The following DENND1A variants were observed in gnomAD, a reference collection of about 807,000 sequenced individuals.
The protein encoded by DENND1A is DENN domain containing 1A, also known as DENN domain-containing protein 1A.
In DENND1A, 51 loss-of-function variants were observed where a neutral mutation model predicts 113.7. That is an observed-to-expected ratio of 0.45 (90% CI 0.36 to 0.57). The LOEUF (loss-of-function observed/expected upper bound fraction) is 0.57. Ranked by LOEUF, DENND1A falls within the 20% of genes least tolerant of loss-of-function variation. DENND1A has a pLI of 0.00. For synonymous variants in DENND1A, 565 were observed against 570.8 expected, an observed-to-expected ratio of 0.99 and a Z score of 0.14; for missense variants, 1,258 against 1,395.9, an observed-to-expected ratio of 0.90 and a Z score of 1.57.
intron 19 of DENND1A, among the ~76,000 whole-genome samples, chr9:123,418,179 C>T (rs933852271): frequency 2.0e-5 from 3 of 152,202 alleles, no homozygotes; most frequent in Non-Finnish European, 4.4e-5. Context: ...CCTCCAATCA[C>T]AGGAGCCTGC....
At chr9:123,638,057 G>C (rs2061811958) in intron 9 of DENND1A, among the ~76,000 whole-genome samples, 1 of 151,870 alleles carries the variant, frequency 6.6e-6, no homozygotes. Context: ...GCTTACACAG[G>C]CAATCAACCG....
chr9:123,570,101 C>T (rs923333865), intron 12 of DENND1A, among the ~76,000 whole-genome samples: 6 of 152,170 alleles, frequency 3.9e-5, no homozygotes, highest in Non-Finnish European at 5.9e-5. Flanking sequence ...GTTCTCATCC[C>T]CCAGTGTGCT....
chr9:123,806,367 C>T (rs1333171826), intron 2 of DENND1A, among the ~76,000 whole-genome samples: 6 of 151,920 alleles, frequency 3.9e-5, no homozygotes, highest in East Asian at 1.9e-4. Flanking sequence ...GCGATTCTCC[C>T]GCCTCAGCCT....
intron 11 of DENND1A, among the ~76,000 whole-genome samples, chr9:123,585,227 T>C (rs756388707): frequency 1.3e-5 from 2 of 152,130 alleles, no homozygotes; most frequent in African/African-American, 4.8e-5. Flanking sequence ...TTCCTAAACA[T>C]AGTTTACTAA....
chr9:123,635,889 C>T (rs1005895114), intron 9 of DENND1A, among the ~76,000 whole-genome samples: 5 of 152,178 alleles, frequency 3.3e-5, no homozygotes, highest in African/African-American at 1.2e-4. Context: ...CTGGGCAAGC[C>T]ACTTCCTTTC....
At chr9:123,928,897 A>C in intron 1 of DENND1A, 1 of 985,470 alleles carries the variant, frequency 1.0e-6, no homozygotes, top group Non-Finnish European at 1.2e-6. Flanking sequence ...TTTACAGAAA[A>C]GCCTATGCTG....
intron 1 of DENND1A, among the ~76,000 whole-genome samples, chr9:123,917,828 T>C (rs1484356600): frequency 6.6e-6 from 1 of 151,978 alleles, no homozygotes; most frequent in Admixed American, 6.6e-5. Flanking sequence ...ACTGGGATCC[T>C]GGCCGGGAAC....
At chr9:123,430,765 C>T (rs1406269246) in intron 19 of DENND1A, among the ~76,000 whole-genome samples, 1 of 152,200 alleles carries the variant, frequency 6.6e-6, no homozygotes, top group East Asian at 1.9e-4. Context: ...TGCAGCAAAC[C>T]ACCATGGCAC....
intron 10 of DENND1A, among the ~76,000 whole-genome samples, chr9:123,620,276 A>G (rs995880466): frequency 4.6e-5 from 7 of 151,794 alleles, no homozygotes; most frequent in African/African-American, 1.7e-4. Flanking sequence ...GAAATCATCC[A>G]AAGCTTCCCT....
At chr9:123,561,097 T>C (rs1224372324) in intron 12 of DENND1A, among the ~76,000 whole-genome samples, 1 of 152,224 alleles carries the variant, frequency 6.6e-6, no homozygotes, top group Non-Finnish European at 1.5e-5. Context: ...TTTGAAATGG[T>C]GCAAGCCACT....
At chr9:123,585,592 G>A (rs1027033333) in intron 11 of DENND1A, among the ~76,000 whole-genome samples, 1 of 152,168 alleles carries the variant, frequency 6.6e-6, no homozygotes, top group Non-Finnish European at 1.5e-5. Flanking sequence ...CAACCCAACA[G>A]GTTAAATGCC....
At chr9:123,595,536 TG>T (rs1432778703) in intron 11 of DENND1A, among the ~76,000 whole-genome samples, 1 of 152,096 alleles carries the variant, frequency 6.6e-6, no homozygotes, top group Non-Finnish European at 1.5e-5. Flanking sequence ...AGCAGACCAG[TG>T]GACCATTCCC....
At chr9:123,924,391 G>A (rs1856746417) in intron 1 of DENND1A, among the ~76,000 whole-genome samples, 1 of 152,140 alleles carries the variant, frequency 6.6e-6, no homozygotes, top group Non-Finnish European at 1.5e-5. Context: ...TTTTAGGGCT[G>A]GGCACAGTGG....
At chr9:123,538,805 CATACATATATATATATATATATAT>C (rs1202765985) in intron 13 of DENND1A, among the ~76,000 whole-genome samples, 3,021 of 50,054 alleles carry the variant, frequency 0.06, 221 homozygotes, top group East Asian at 0.11. Flanking sequence ...GGTGACAACT[CATACATATATATATATATATATAT>C]ATATATATAT....
At chr9:123,411,878 A>T in intron 19 of DENND1A, 49 bp from the exon 20 acceptor site, 1 of 982,090 alleles carries the variant, frequency 1.0e-6, no homozygotes, top group Non-Finnish European at 1.2e-6. Context: ...GAGAAGGCTC[A>T]ATGCATTTCC....
rs559860912 is a variant in DENND1A, at chr9:123,528,975, T to C, written c.993+28595A>G. ...CTCCTCCTCTGCCCTTGACTTACTC[T>C]GGCAGAGTTAATCACATCCTCGTTG... On this transcript the variant is annotated intron_variant, in intron 13 of 23. Coordinates refer to ENST00000394215, the MANE Select transcript of DENND1A (RefSeq NM_001352964.2). 2.0e-5 allele frequency among the ~76,000 whole-genome samples: 3 copies of C among 152,350 alleles called. No homozygotes were observed. The South Asian group carries it at 6.2e-4, about 32-fold the overall frequency.
At chr9:123,416,852 C>T (rs116569298) in intron 19 of DENND1A, among the ~76,000 whole-genome samples, 7 of 152,176 alleles carry the variant, frequency 4.6e-5, no homozygotes, top group Non-Finnish European at 1.0e-4. Flanking sequence ...GGGGCCAGGA[C>T]CAGGGGGATT....
At chr9:123,676,400 C>T (rs1332888939) in intron 6 of DENND1A, among the ~76,000 whole-genome samples, 1 of 152,130 alleles carries the variant, frequency 6.6e-6, no homozygotes, top group East Asian at 1.9e-4. Flanking sequence ...ATACATGTCA[C>T]AAACTTTCCG....
chr9:123,528,021 C>T (rs1294941083), intron 13 of DENND1A, among the ~76,000 whole-genome samples: 4 of 152,120 alleles, frequency 2.6e-5, no homozygotes, highest in Non-Finnish European at 5.9e-5. Context: ...TCATAATAGG[C>T]ATCAGACATG....
Sources: gnomAD v4.1 joint callset for allele counts (sites outside exome capture counted in the v4.1 genomes callset) on GRCh38, gnomAD v4.1.1 for gene constraint, MANE v1.5 for transcripts, NCBI Gene and HGNC (gene_info 2026-07-23, HGNC 2026-07-21) for gene names.